The following ALX3 variants were observed in gnomAD, a reference collection of about 807,000 sequenced individuals.
ALX3 encodes the protein ALX homeobox 3.
A neutral mutation model predicts 26.3 loss-of-function variants in ALX3; 17 were observed. That is an observed-to-expected ratio of 0.65 (90% CI 0.44 to 0.97). The LOEUF (loss-of-function observed/expected upper bound fraction) is 0.97. Ranked by LOEUF, ALX3 falls within the 50% of genes least tolerant of loss-of-function variation. The pLI is 0.00. For synonymous variants in ALX3, 208 were observed against 201.4 expected (o/e 1.03, Z -0.28); for missense variants, 461 against 466.5 (o/e 0.99, Z 0.11).
rs773879847 is a variant in ALX3, at chr1:110,061,489, G to A, written c.669C>T (p.Pro223=). The change falls in exon 3 of 4, where the codon CCC becomes CCT. Residue 223 remains proline, a synonymous_variant. Transcript: ENST00000647563. Reference sequence around the variant, plus strand: ...CAGAGATGTCATAGGCAGCCGTGAAGGGGTTCCGCCCCTCCTGGATCTTCC... The same window carrying A: ...CAGAGATGTCATAGGCAGCCGTGAAAGGGTTCCGCCCCTCCTGGATCTTCC... The part of the protein sequence containing the change: ...RYGKIQEGRN[P]FTAAYDISVL... 1.2e-5 allele frequency: 19 copies of A among 1,614,234 alleles called. No individual in the cohort carries two copies. The highest frequency in any genetic ancestry group is 1.4e-5 in the Non-Finnish European group (16 of 1,180,050).
chr1:110,061,176 C>T, intron 3 of ALX3, 135 bp from the exon 4 acceptor site: 2 of 1,132,118 alleles, frequency 1.8e-6, no homozygotes, highest in South Asian at 1.4e-5. Context: ...TCTACCCCCT[C>T]TCACCCCCAA....
chr1:110,070,086 T>C (rs1013278582), intron 1 of ALX3, among the ~76,000 whole-genome samples: 4 of 152,062 alleles, frequency 2.6e-5, no homozygotes, highest in African/African-American at 9.7e-5. Flanking sequence ...CCACTGCACC[T>C]TCCCTCGACC....
chr1:110,061,697 A>G, intron 2 of ALX3, 134 bp from the exon 3 acceptor site: 7 of 1,353,674 alleles, frequency 5.2e-6, no homozygotes, highest in Non-Finnish European at 7.1e-6. Context: ...TCAACTGTTA[A>G]TCCACACTGT....
chr1:110,070,433 G>A lies in ALX3; in HGVS notation c.180C>T (p.Tyr60=), dbSNP rs555884259. 280 of 1,267,932 alleles carry A rather than the reference G, an allele frequency of 2.2e-4. 1 individual carries two copies. The South Asian group carries it at 2.7e-3, about 12-fold the overall frequency. The allele number at this position is 1,267,932 out of a possible 1,614,324, so 78.5% of individuals were successfully genotyped here. ...RFPACGPLEP[Y]LPEPAKPPAK... is the part of the protein sequence containing the mutation. ...CGGGCGGCTTGGCCGGCTCTGGGAG[G>A]TAGGGCTCCAGGGGCCCGCAGGCCG... Residue 60 remains tyrosine (Y), a synonymous_variant, in exon 1 of 4, where the codon TAC becomes TAT. Coordinates refer to ENST00000647563, the MANE Select transcript of ALX3 (RefSeq NM_006492.3).
rs1220786363 is a variant in ALX3 at position 110,066,025 on chromosome 1, A to G, written c.278-1122T>C. On this transcript the variant is annotated intron_variant, in intron 1 of 3. Transcript: ENST00000647563. ...CAGCCTCTTGCCTGGCTCTGGGCCC[A>G]TCTCCAGTGGAGGCCTGGCCCTGAG... is the stretch of plus-strand genomic sequence containing the variant. 5.9e-5 allele frequency among the ~76,000 whole-genome samples: 9 copies of G among 152,370 alleles called. No individual in the cohort carries two copies. In the East Asian group the frequency reaches 1.7e-3, roughly 29 times the overall value.
rs999803454 is a variant in ALX3, at chr1:110,060,583, C to G, written c.*150G>C. ...CCCCACCTTGTTCTAAGAGAAAAGA[C>G]CCTGTAACGTGTTCCCTGCTGGGGG... On this transcript the variant is annotated 3_prime_UTR_variant, in exon 4 of 4. Coordinates refer to ENST00000647563, the MANE Select transcript of ALX3 (RefSeq NM_006492.3). 26 of 585,298 alleles carry G rather than the reference C, an allele frequency of 4.4e-5. No individual in the cohort carries two copies. The highest frequency in any genetic ancestry group is 6.7e-5 in the Non-Finnish European group (25 of 373,136). 36.3% of individuals were successfully genotyped at this position (585,298 alleles called of 1,614,324 possible).
At chr1:110,069,271 GCGAAAGC>G (rs1198770105) in intron 1 of ALX3, among the ~76,000 whole-genome samples, 5 of 152,246 alleles carry the variant, frequency 3.3e-5, no homozygotes, top group Non-Finnish European at 7.3e-5. Context: ...CCCCGGCTGG[GCGAAAGC>G]CGGAGATGCC....
rs777356167 is a variant in ALX3 at position 110,060,904 on chromosome 1, C to T, written c.861G>A (p.Val287=). The part of the protein sequence containing the change: ...PHGSVAGFMG[V]PAPSAAHPGI... ...CAGGGTGAGCCGCAGAAGGGGCTGG[C>T]ACCCCCATGAAGCCAGCCACACTCC... The change falls in exon 4 of 4, where the codon GTG becomes GTA. Residue 287 remains valine, a synonymous_variant. Transcript: ENST00000647563. The T allele has an allele frequency of 6.2e-7, 1 of 1,611,694 alleles. No homozygotes were observed. Among genetic ancestry groups the T allele is most frequent in the Non-Finnish European group, 8.5e-7 (1 of 1,179,464 alleles).
chr1:110,061,326 A>G, intron 3 of ALX3, 109 bp downstream of exon 3: 2 of 1,517,926 alleles, frequency 1.3e-6, no homozygotes, highest in Non-Finnish European at 1.8e-6. Flanking sequence ...GAAGTGGTGT[A>G]CCCACTGTCA....
At chr1:110,062,858 C>T (rs1014392808) in intron 2 of ALX3, among the ~76,000 whole-genome samples, 4 of 152,188 alleles carry the variant, frequency 2.6e-5, no homozygotes, top group African/African-American at 9.7e-5. Flanking sequence ...CTCTGCTCTC[C>T]CTCCCCTGAC....
intron 1 of ALX3, among the ~76,000 whole-genome samples, chr1:110,069,626 G>A (rs1018175928): frequency 6.6e-6 from 1 of 152,236 alleles, no homozygotes; most frequent in African/African-American, 2.4e-5. Flanking sequence ...GATCCAGCGC[G>A]GGGAAGCCAA....
intron 1 of ALX3, among the ~76,000 whole-genome samples, chr1:110,066,444 A>G (rs182632783): frequency 6.6e-6 from 1 of 152,246 alleles, no homozygotes; most frequent in East Asian, 1.9e-4. Context: ...TCTGACTTCC[A>G]TTCTTGGGCC....
At position 110,060,121 on chromosome 1, in the gene ALX3, AG is replaced by A. The variant is rs1433372064; in HGVS notation, c.*611del. ...TCTGGTGGAATTTCTGCCCCCTTGG[AG>A]GGGAAGATGACTGCATGGCATGCTG... On this transcript the variant is annotated 3_prime_UTR_variant, in exon 4 of 4. Transcript: ENST00000647563. 1 of 152,064 alleles carries A rather than the reference AG, an allele frequency of 6.6e-6. No homozygotes were observed. Among genetic ancestry groups the A allele is most frequent in the Non-Finnish European group, 1.5e-5 (1 of 68,042 alleles). 9.4% of individuals were successfully genotyped at this position (152,064 alleles called of 1,614,324 possible). A position where few individuals can be genotyped will look rare whatever the true frequency, so the allele number is the denominator to read the frequency against.
intron 1 of ALX3, among the ~76,000 whole-genome samples, chr1:110,066,357 G>T (rs1250755197): frequency 6.6e-6 from 1 of 152,200 alleles, no homozygotes; most frequent in Non-Finnish European, 1.5e-5. Flanking sequence ...CTGTACACAG[G>T]TAGCCCACAG....
chr1:110,061,382 AT>A (rs1653638808), intron 3 of ALX3, 52 bp downstream of exon 3: 4 of 1,613,832 alleles, frequency 2.5e-6, no homozygotes, highest in Non-Finnish European at 3.4e-6. Flanking sequence ...CAGACCTCAT[AT>A]TCTTTTTGGT....
chr1:110,066,624 A>G (rs1251252654), intron 1 of ALX3, among the ~76,000 whole-genome samples: 1 of 122,054 alleles, frequency 8.2e-6, no homozygotes, highest in Non-Finnish European at 1.6e-5. Context: ...ACAGCAGGCC[A>G]TGGAAATGTT....
chr1:110,069,932 C>A (rs548238743), intron 1 of ALX3, among the ~76,000 whole-genome samples: 6 of 152,196 alleles, frequency 3.9e-5, no homozygotes, highest in African/African-American at 1.4e-4. Context: ...CGCGCTTCTT[C>A]GTCAGGTCTC....
intron 1 of ALX3, among the ~76,000 whole-genome samples, chr1:110,068,507 C>T (rs963635523): frequency 6.6e-6 from 1 of 152,240 alleles, no homozygotes; most frequent in Non-Finnish European, 1.5e-5. Flanking sequence ...GCCTCCCTTT[C>T]GTTTGGCCTG....
At chr1:110,068,675 C>T (rs1370034003) in intron 1 of ALX3, among the ~76,000 whole-genome samples, 1 of 152,198 alleles carries the variant, frequency 6.6e-6, no homozygotes, top group Non-Finnish European at 1.5e-5. Flanking sequence ...CGATCTTGCT[C>T]CTGCTTTTTT....
Sources: gnomAD v4.1 joint callset for allele counts (sites outside exome capture counted in the v4.1 genomes callset) on GRCh38, gnomAD v4.1.1 for gene constraint, MANE v1.5 for transcripts, NCBI Gene and HGNC (gene_info 2026-07-23, HGNC 2026-07-21) for gene names.